Variants in AUTS2 observed in about 807,000 individuals in gnomAD.
AUTS2 encodes activator of transcription and developmental regulator AUTS2.
Under a neutral mutation model 112.4 loss-of-function variants are expected in AUTS2, and 17 were observed. The observed-to-expected ratio is 0.15, with a 90% CI of 0.10 to 0.23. The LOEUF (loss-of-function observed/expected upper bound fraction) is 0.23. AUTS2 is among the 10% of genes least tolerant of loss of function. The pLI is 1.00. For missense variants in AUTS2, 1,510 were observed against 1,701.6 expected (o/e 0.89, Z 1.98); for synonymous variants, 751 against 702.7 (o/e 1.07, Z -1.09).
chr7:70,422,341 T>G lies in AUTS2; in HGVS notation c.661-13411T>G, dbSNP rs142438702. 1.7e-4 allele frequency among the ~76,000 whole-genome samples: 26 copies of G among 152,356 alleles called. No homozygotes were observed. In the East Asian group the frequency reaches 4.8e-3, roughly 28 times the overall value. The stretch of plus-strand genomic sequence containing the variant: ...TCCTGCTCAATTCCAGTTGCTCTAG[T>G]TGGCTTGAAGTGAATCAAATGTGAA... On this transcript the variant is annotated intron_variant, in intron 4 of 18. Coordinates refer to ENST00000342771, the MANE Select transcript of AUTS2 (RefSeq NM_015570.4).
intron 2 of AUTS2, among the ~76,000 whole-genome samples, chr7:70,099,966 T>G (rs1804399113): frequency 6.6e-6 from 1 of 152,170 alleles, no homozygotes; most frequent in South Asian, 2.1e-4. Context: ...TGTTGGCAAG[T>G]AAAGCATCAC....
At chr7:69,718,450 C>G (rs1259035334) in intron 1 of AUTS2, among the ~76,000 whole-genome samples, 1 of 152,168 alleles carries the variant, frequency 6.6e-6, no homozygotes, top group Non-Finnish European at 1.5e-5. Context: ...AGAGGCTTCC[C>G]TGAACTCCTA....
intron 1 of AUTS2, 59 bp downstream of exon 1, chr7:69,600,021 C>T: frequency 6.4e-7 from 1 of 1,571,320 alleles, no homozygotes; most frequent in Non-Finnish European, 8.7e-7. Flanking sequence ...TCGGCTGCGC[C>T]CGGCTCTCCT....
At chr7:69,671,364 CACA>C (rs1796313538) in intron 1 of AUTS2, among the ~76,000 whole-genome samples, 1 of 152,106 alleles carries the variant, frequency 6.6e-6, no homozygotes, top group South Asian at 2.1e-4. Context: ...CAGCCTGTTT[CACA>C]ACATTGTTGG....
At chr7:70,437,339 G>A (rs1308589030) in intron 5 of AUTS2, 2 of 152,334 alleles carry the variant, frequency 1.3e-5, no homozygotes, top group Non-Finnish European at 2.9e-5. Context: ...GTAATGGTTA[G>A]TGTTCAAGAC....
intron 2 of AUTS2, among the ~76,000 whole-genome samples, chr7:70,067,803 G>A (rs1006491740): frequency 6.6e-6 from 1 of 151,526 alleles, no homozygotes; most frequent in Non-Finnish European, 1.5e-5. Flanking sequence ...AAGTGAGCCC[G>A]TGATCACACC....
At chr7:69,895,546 C>A (rs948631692) in intron 1 of AUTS2, among the ~76,000 whole-genome samples, 1 of 142,992 alleles carries the variant, frequency 7.0e-6, no homozygotes, top group Non-Finnish European at 1.5e-5. Context: ...CTCTTCTTCC[C>A]CCCCCCCGAG....
At chr7:70,132,300 G>A (rs1372186282) in intron 3 of AUTS2, among the ~76,000 whole-genome samples, 1 of 151,816 alleles carries the variant, frequency 6.6e-6, no homozygotes, top group Non-Finnish European at 1.5e-5. Flanking sequence ...GGGATCTTGT[G>A]TCTGTGTTCC....
intron 4 of AUTS2, among the ~76,000 whole-genome samples, chr7:70,336,715 G>A (rs1051992159): frequency 6.6e-6 from 1 of 151,404 alleles, no homozygotes; most frequent in Non-Finnish European, 1.5e-5. Flanking sequence ...TGAAACCACC[G>A]AGCACCAACA....
At chr7:70,777,014 G>A (rs1465414673) in intron 13 of AUTS2, 89 bp from the exon 14 acceptor site, 1 of 1,343,608 alleles carries the variant, frequency 7.4e-7, no homozygotes, top group Non-Finnish European at 1.1e-6. Flanking sequence ...AGCCTCTGCA[G>A]CCAAAATCTG....
chr7:70,433,014 G>A (rs148553165), intron 4 of AUTS2, among the ~76,000 whole-genome samples: 82 of 152,290 alleles, frequency 5.4e-4, no homozygotes, highest in African/African-American at 1.6e-3. Flanking sequence ...CTTGGCATCC[G>A]TGCTGCTTCC....
intron 4 of AUTS2, among the ~76,000 whole-genome samples, chr7:70,320,907 C>G (rs1790225668): frequency 6.6e-6 from 1 of 152,154 alleles, no homozygotes; most frequent in Non-Finnish European, 1.5e-5. Context: ...TCCATCTCAT[C>G]TCTCCCCAGG....
chr7:70,159,694 C>T (rs1051315567), intron 4 of AUTS2, among the ~76,000 whole-genome samples: 1 of 152,076 alleles, frequency 6.6e-6, no homozygotes, highest in African/African-American at 2.4e-5. Context: ...AGATAATCTT[C>T]TAACTATACA....
At chr7:69,899,902 CTGTGTGTGAGAAATGCCT>C (rs1794905166) in intron 2 of AUTS2, among the ~76,000 whole-genome samples, 1 of 152,128 alleles carries the variant, frequency 6.6e-6, no homozygotes, top group South Asian at 2.1e-4. Context: ...AAATGATTGC[CTGTGTGTGAGAAATGCCT>C]TGCTAAGATT....
chr7:70,549,145 A>G (rs1800916870), intron 5 of AUTS2, among the ~76,000 whole-genome samples: 1 of 152,184 alleles, frequency 6.6e-6, no homozygotes, highest in Non-Finnish European at 1.5e-5. Context: ...TGTGAATAAA[A>G]TTTTTAAAAT....
At chr7:70,625,523 C>A (rs1413786046) in intron 5 of AUTS2, among the ~76,000 whole-genome samples, 3 of 152,206 alleles carry the variant, frequency 2.0e-5, no homozygotes, top group African/African-American at 7.2e-5. Flanking sequence ...TTACTGTCAA[C>A]TTTTGTTGTG....
At chr7:70,162,203 T>C (rs1033029361) in intron 4 of AUTS2, among the ~76,000 whole-genome samples, 1 of 151,636 alleles carries the variant, frequency 6.6e-6, no homozygotes. Flanking sequence ...TCCCAGCACT[T>C]TGGGAGGCCG....
intron 2 of AUTS2, among the ~76,000 whole-genome samples, chr7:70,004,155 TATGTGAATATATATA>T: frequency 3.8e-5 from 5 of 132,912 alleles, no homozygotes; most frequent in South Asian, 4.7e-4. Flanking sequence ...GAATGTGTTA[TATGTGAATATATATA>T]ATATGAATGT....
At position 70,506,404 on chromosome 7, in the gene AUTS2, TAAAC is replaced by T. The variant is rs1406169451; in HGVS notation, c.690+70625_690+70628del. 3.3e-5 allele frequency among the ~76,000 whole-genome samples: 5 copies of T among 152,192 alleles called. No homozygotes were observed. In the East Asian group the frequency reaches 9.7e-4, roughly 29 times the overall value. The stretch of plus-strand genomic sequence containing the variant: ...GCTACAACAAATGAAAATTGGAAAA[TAAAC>T]AGATGGAACATGCCTCATAGTTTAG... On this transcript the variant is annotated intron_variant, in intron 5 of 18. Coordinates refer to ENST00000342771, the MANE Select transcript of AUTS2 (RefSeq NM_015570.4).
Sources: allele counts gnomAD v4.1 joint callset (sites outside exome capture counted in the v4.1 genomes callset), GRCh38; gene constraint gnomAD v4.1.1; transcripts MANE v1.5; gene names NCBI Gene and HGNC (gene_info 2026-07-23, HGNC 2026-07-21).